Variants in GRIN2B observed in about 807,000 individuals in gnomAD.
GRIN2B encodes glutamate receptor ionotropic, NMDA 2B.
A neutral mutation model predicts 114.5 loss-of-function variants in GRIN2B; 5 were observed. That is an observed-to-expected ratio of 0.04 (90% confidence interval 0.02 to 0.09). The LOEUF is 0.09. GRIN2B is among the 10% of genes least tolerant of loss of function. GRIN2B has a pLI of 1.00. For synonymous variants in GRIN2B, 787 were observed against 745.1 expected, an observed-to-expected ratio of 1.06 and a Z score of -0.92; for missense variants, 1,108 against 1,943.5, an observed-to-expected ratio of 0.57 and a Z score of 8.08.
At chr12:13,814,209 G>A (rs1234998865) in intron 3 of GRIN2B, among the ~76,000 whole-genome samples, 1 of 152,234 alleles carries the variant, frequency 6.6e-6, no homozygotes, top group African/African-American at 2.4e-5. Flanking sequence ...TACAAAAGAT[G>A]TGAAGGCTGG....
At chr12:13,572,097 A>G (rs983036182) in intron 10 of GRIN2B, 133 bp from the exon 11 acceptor site, 31 of 729,538 alleles carry the variant, frequency 4.2e-5, no homozygotes, top group Non-Finnish European at 6.5e-5. Context: ...GGACCCAACT[A>G]TAATTCACCG....
At chr12:13,608,885 T>C (rs892355475) in intron 9 of GRIN2B, 53 bp from the exon 10 acceptor site, 12 of 1,319,180 alleles carry the variant, frequency 9.1e-6, no homozygotes, top group Non-Finnish European at 9.8e-6. Context: ...GCTGGTTCTG[T>C]TGAAACCTAC....
chr12:13,748,711 C>T (rs1034009132), intron 4 of GRIN2B, among the ~76,000 whole-genome samples: 6 of 152,126 alleles, frequency 3.9e-5, no homozygotes, highest in African/African-American at 1.4e-4. Context: ...TAGTATAGGG[C>T]ATTGTACTAT....
At chr12:13,621,760 C>T (rs569194074) in intron 5 of GRIN2B, among the ~76,000 whole-genome samples, 18 of 151,592 alleles carry the variant, frequency 1.2e-4, no homozygotes, top group African/African-American at 3.9e-4. Context: ...GTGGTACCTT[C>T]GAGTGGACTT....
chr12:13,942,267 T>C (rs963226447), intron 2 of GRIN2B, among the ~76,000 whole-genome samples: 1 of 152,134 alleles, frequency 6.6e-6, no homozygotes, highest in Non-Finnish European at 1.5e-5. Context: ...ATCTACTCTT[T>C]AAGCAAGAAC....
At chr12:13,568,440 C>T (rs1419090377) in intron 12 of GRIN2B, among the ~76,000 whole-genome samples, 1 of 152,180 alleles carries the variant, frequency 6.6e-6, no homozygotes, top group Non-Finnish European at 1.5e-5. Context: ...TCCATTATTG[C>T]CTTTGAGTGA....
rs75709468 is a variant in GRIN2B at position 13,554,637 on chromosome 12, T to C, written c.*8146A>G. On this transcript the variant is annotated 3_prime_UTR_variant, in exon 14 of 14. Coordinates refer to ENST00000609686, the MANE Select transcript of GRIN2B (RefSeq NM_000834.5). ...TTGATCTGAAGAATGACATCTGATT[T>C]ATATGTAGGAAGTGAGTACTGACAA... 3.0e-4 allele frequency: 46 copies of C among 152,256 alleles called. No homozygotes were observed. Among genetic ancestry groups the C allele is most frequent in the African/African-American group, 1.1e-3 (46 of 41,562 alleles). The allele number at this position is 152,256 out of a possible 1,614,324, so 9.4% of individuals were successfully genotyped here. A position where few individuals can be genotyped will look rare whatever the true frequency, so the allele number is the denominator to read the frequency against.
At chr12:13,821,744 T>A (rs1864942875) in intron 3 of GRIN2B, among the ~76,000 whole-genome samples, 1 of 152,198 alleles carries the variant, frequency 6.6e-6, no homozygotes, top group Non-Finnish European at 1.5e-5. Context: ...CAAAGATATG[T>A]CCACTATTCT....
intron 2 of GRIN2B, among the ~76,000 whole-genome samples, chr12:13,888,480 TC>T (rs1190444579): frequency 6.7e-6 from 1 of 150,136 alleles, no homozygotes. Context: ...ACAACTGTAA[TC>T]CCAGCACTTT....
At chr12:13,652,126 CT>C (rs1949819731) in intron 5 of GRIN2B, among the ~76,000 whole-genome samples, 1 of 151,810 alleles carries the variant, frequency 6.6e-6, no homozygotes, top group Non-Finnish European at 1.5e-5. Context: ...CACATGGTTT[CT>C]GCTTTGTCTA....
rs551203944 is a variant in GRIN2B, at chr12:13,698,972, C to T, written c.1011-23113G>A. On this transcript the variant is annotated intron_variant, in intron 4 of 13. Coordinates refer to ENST00000609686, the MANE Select transcript of GRIN2B (RefSeq NM_000834.5). ...TGCTGGCATTACAGGCGTGAGCCACCGCACCCGGCCAAATCAAAATTATTA... is the reference window on the plus strand; with the variant it reads ...TGCTGGCATTACAGGCGTGAGCCACTGCACCCGGCCAAATCAAAATTATTA... Among the ~76,000 whole-genome samples, 184 of 152,258 alleles carry T rather than the reference C, an allele frequency of 1.2e-3. 1 individual carries two copies. Among genetic ancestry groups the T allele is most frequent in the African/African-American group, 3.9e-3 (163 of 41,562 alleles).
At chr12:13,866,494 G>A (rs1018392215) in intron 2 of GRIN2B, among the ~76,000 whole-genome samples, 1 of 152,200 alleles carries the variant, frequency 6.6e-6, no homozygotes, top group Admixed American at 6.5e-5. Context: ...AGACAAAGGA[G>A]GAAAAGAGGT....
chr12:13,695,811 C>T (rs201098884), intron 4 of GRIN2B, among the ~76,000 whole-genome samples: 25 of 152,156 alleles, frequency 1.6e-4, no homozygotes, highest in Non-Finnish European at 2.2e-4. Flanking sequence ...ACAAGTTAAG[C>T]GGCTCATAGT....
rs184401995 is a variant in GRIN2B at position 13,941,586 on chromosome 12, T to C, written c.-19+38342A>G. 5.3e-5 allele frequency among the ~76,000 whole-genome samples: 8 copies of C among 152,178 alleles called. No homozygotes were observed. The East Asian group carries it at 1.2e-3, about 22-fold the overall frequency. On this transcript the variant is annotated intron_variant, in intron 2 of 13. Transcript: ENST00000609686. ...AGCATGACTTGATAGTCTAGAGAAGTTGGGGACAGGACAGCCACCTCAGTG... is the reference window on the plus strand; with the variant it reads ...AGCATGACTTGATAGTCTAGAGAAGCTGGGGACAGGACAGCCACCTCAGTG...
intron 4 of GRIN2B, among the ~76,000 whole-genome samples, chr12:13,689,234 C>A (rs1463320163): frequency 6.6e-6 from 1 of 152,166 alleles, no homozygotes; most frequent in Admixed American, 6.5e-5. Context: ...ATCCCTATTA[C>A]AAACTCTTAG....
intron 5 of GRIN2B, among the ~76,000 whole-genome samples, chr12:13,617,139 A>C (rs1207665922): frequency 1.3e-5 from 2 of 152,214 alleles, no homozygotes; most frequent in African/African-American, 4.8e-5. Flanking sequence ...GAACAATGGG[A>C]GCAAATGAGC....
chr12:13,916,843 A>G (rs1866740095), intron 2 of GRIN2B, among the ~76,000 whole-genome samples: 2 of 151,730 alleles, frequency 1.3e-5, no homozygotes, highest in Admixed American at 6.6e-5. Flanking sequence ...ATTATTATAT[A>G]TGGTACATGG....
At chr12:13,869,231 C>CTTTTTTT (rs1158566763) in intron 2 of GRIN2B, among the ~76,000 whole-genome samples, 1 of 126,030 alleles carries the variant, frequency 7.9e-6, no homozygotes, top group African/African-American at 3.1e-5. Context: ...TTTTCTTTTT[C>CTTTTTTT]TTTTTTTTTC....
chr12:13,737,369 C>T (rs535167543), intron 4 of GRIN2B, among the ~76,000 whole-genome samples: 1 of 151,814 alleles, frequency 6.6e-6, no homozygotes, highest in Non-Finnish European at 1.5e-5. Context: ...CTGACACCAC[C>T]CCTGGCTAAT....
Sources: gnomAD v4.1 joint callset for allele counts (sites outside exome capture counted in the v4.1 genomes callset) on GRCh38, gnomAD v4.1.1 for gene constraint, MANE v1.5 for transcripts, NCBI Gene and HGNC (gene_info 2026-07-23, HGNC 2026-07-21) for gene names.